The following KIF26B variants were observed in gnomAD, a reference collection of about 807,000 sequenced individuals.
KIF26B encodes the protein kinesin family member 26B, also known as kinesin-like protein KIF26B.
Under a neutral mutation model 151.2 loss-of-function variants are expected in KIF26B, and 63 were observed. The observed-to-expected ratio is 0.42, with a 90% CI of 0.34 to 0.51. The LOEUF (loss-of-function observed/expected upper bound fraction) is 0.51. Among genes scored for constraint, KIF26B ranks in the 20% least tolerant of loss-of-function variants. The probability of loss-of-function intolerance (pLI) is 0.07; values close to 1 mark genes in which losing one functional copy is unlikely to be tolerated. For missense variants in KIF26B, 2,813 were observed against 2,913.6 expected (o/e 0.97, Z 0.79); for synonymous variants, 1,357 against 1,262.1 (o/e 1.08, Z -1.59).
intron 5 of KIF26B, among the ~76,000 whole-genome samples, chr1:245,562,583 G>T (rs964984084): frequency 6.8e-6 from 1 of 147,456 alleles, no homozygotes; most frequent in African/African-American, 2.4e-5. Flanking sequence ...ACGTGGCCAA[G>T]CCCCGCCCCC....
intron 2 of KIF26B, among the ~76,000 whole-genome samples, chr1:245,242,200 G>A (rs1333293157): frequency 6.6e-6 from 1 of 152,226 alleles, no homozygotes; most frequent in Non-Finnish European, 1.5e-5. Context: ...AGACCAGCCT[G>A]GGCTACACAG....
intron 1 of KIF26B, among the ~76,000 whole-genome samples, chr1:245,155,970 G>A (rs1450774739): frequency 6.8e-6 from 1 of 147,608 alleles, no homozygotes; most frequent in Non-Finnish European, 1.5e-5. Context: ...GGCTTCAAAA[G>A]CGTGGGGCGC....
intron 4 of KIF26B, among the ~76,000 whole-genome samples, chr1:245,513,234 C>T (rs1660875951): frequency 6.7e-6 from 1 of 148,974 alleles, no homozygotes; most frequent in Non-Finnish European, 1.5e-5. Flanking sequence ...GCCGCCCCCT[C>T]TAGAATCTCA....
intron 4 of KIF26B, among the ~76,000 whole-genome samples, chr1:245,520,611 C>CCCACCCACCCATCCATCCAT (rs1661079316): frequency 1.3e-5 from 1 of 78,680 alleles, no homozygotes; most frequent in African/African-American, 3.6e-5. Flanking sequence ...CACCCACCCA[C>CCCACCCACCCATCCATCCAT]CCATCCATCC....
chr1:245,540,471 C>G lies in KIF26B; in HGVS notation c.1167-296C>G. 1 of 608,550 alleles carries G rather than the reference C, an allele frequency of 1.6e-6. No homozygotes were observed. The highest frequency in any genetic ancestry group is 3.1e-6 in the Non-Finnish European group (1 of 326,648). 37.7% of individuals were successfully genotyped at this position (608,550 alleles called of 1,614,324 possible). On this transcript the variant is annotated intron_variant, in intron 4 of 14. Transcript: ENST00000407071. The surrounding 1 kb of genome is among the most constrained non-coding windows in gnomAD (Gnocchi z 4.6). ...TGCCCTTATCCCCAAAGATGCCCAGCTTTGTTCCTGCTTAAGCTGAATGTT... is the reference window on the plus strand; with the variant it reads ...TGCCCTTATCCCCAAAGATGCCCAGGTTTGTTCCTGCTTAAGCTGAATGTT...
chr1:245,322,687 T>C (rs548857437), intron 2 of KIF26B, among the ~76,000 whole-genome samples: 1 of 152,270 alleles, frequency 6.6e-6, no homozygotes, highest in African/African-American at 2.4e-5. Context: ...TGGGTAGTGG[T>C]TGTTTATAAT....
At chr1:245,652,138 GT>G (rs1558252850) in intron 10 of KIF26B, among the ~76,000 whole-genome samples, 17 of 137,750 alleles carry the variant, frequency 1.2e-4, no homozygotes, top group South Asian at 2.2e-4. Flanking sequence ...GTGTGTGTGT[GT>G]GTGTGTGAGA....
At chr1:245,536,166 G>A (rs1354781554) in intron 4 of KIF26B, among the ~76,000 whole-genome samples, 4 of 152,168 alleles carry the variant, frequency 2.6e-5, no homozygotes, top group Non-Finnish European at 5.9e-5. Context: ...TCTGTTAAAT[G>A]GGGGTAATAT....
rs1213775000 is a variant in KIF26B, at chr1:245,685,989, G to A, written c.3006G>A (p.Gln1002=). ...EGPELPASKM[Q]RSHSPVPAAA... ...CTGAACTCCCAGCCTCCAAGATGCA[G>A]AGGAGTCACTCACCTGTGCCCGCCG... Residue 1002 remains glutamine, a synonymous_variant, in exon 12 of 15, where the codon CAG becomes CAA. Transcript: ENST00000407071. 1.3e-6 allele frequency: 2 copies of A among 1,595,502 alleles called. No individual in the cohort carries two copies. Among genetic ancestry groups the A allele is most frequent in the South Asian group, 1.1e-5 (1 of 88,716 alleles).
chr1:245,229,255 A>C (rs2103553687), intron 2 of KIF26B, among the ~76,000 whole-genome samples: 1 of 152,130 alleles, frequency 6.6e-6, no homozygotes, highest in East Asian at 1.9e-4. Flanking sequence ...TACAAGCGTG[A>C]GCCACCGCCC....
At position 245,227,993 on chromosome 1, in the gene KIF26B, ACT is replaced by A. The variant is rs1558353238; in HGVS notation, c.465+71313_465+71314del. Among the ~76,000 whole-genome samples, 1 of 152,094 alleles carries A rather than the reference ACT, an allele frequency of 6.6e-6. No individual in the cohort carries two copies. The highest frequency in any genetic ancestry group is 1.5e-5 in the Non-Finnish European group (1 of 68,012). ...CTCCAGCCTGGGCAACAAGAGCGAA[ACT>A]CTGTCTCAAAACAAAACAAACACAC... On this transcript the variant is annotated intron_variant, in intron 2 of 14. Coordinates refer to ENST00000407071, the MANE Select transcript of KIF26B (RefSeq NM_018012.4). The surrounding 1 kb of genome is among the most constrained non-coding windows in gnomAD (Gnocchi z 4.1).
At chr1:245,607,411 G>C (rs115451988) in intron 6 of KIF26B, among the ~76,000 whole-genome samples, 1 of 152,170 alleles carries the variant, frequency 6.6e-6, no homozygotes, top group African/African-American at 2.4e-5. Flanking sequence ...TCGCTGAAAC[G>C]TACCACGGAT....
chr1:245,265,965 A>G (rs369375174), intron 2 of KIF26B, among the ~76,000 whole-genome samples: 2 of 152,328 alleles, frequency 1.3e-5, no homozygotes, highest in African/African-American at 4.8e-5. Flanking sequence ...AATGATTGCT[A>G]AATTTGACTG....
chr1:245,496,049 C>T (rs1039838000), intron 4 of KIF26B, among the ~76,000 whole-genome samples: 3 of 152,096 alleles, frequency 2.0e-5, no homozygotes, highest in Non-Finnish European at 4.4e-5. Flanking sequence ...AGTAGACCAA[C>T]ACTAAAAGAA....
chr1:245,683,177 G>A (rs2044462278), intron 10 of KIF26B, among the ~76,000 whole-genome samples: 1 of 152,182 alleles, frequency 6.6e-6, no homozygotes, highest in South Asian at 2.1e-4. Flanking sequence ...CATAGTGTCT[G>A]CTGAGCTGGA....
At chr1:245,298,816 A>AG (rs1452028493) in intron 2 of KIF26B, among the ~76,000 whole-genome samples, 2 of 152,212 alleles carry the variant, frequency 1.3e-5, no homozygotes, top group African/African-American at 2.4e-5. Context: ...AGAAAACATC[A>AG]GGGATGAACA....
rs199549504 is a variant in KIF26B, at chr1:245,556,402, TTTC to T, written c.1350+15461_1350+15463del. Among the ~76,000 whole-genome samples the T allele has an allele frequency of 7.8e-3, 1,175 of 149,694 alleles. 22 individuals carry two copies. Among genetic ancestry groups the T allele is most frequent in the African/African-American group, 0.028 (1,125 of 40,546 alleles). On this transcript the variant is annotated intron_variant, in intron 5 of 14. Transcript: ENST00000407071. Reference sequence around the variant, plus strand: ...CCTTCTTCTTCTTCCTTCTTTCTTCTTTCTTCTTCTTTAAGAAAGGGTCTGCTT... The same window carrying T: ...CCTTCTTCTTCTTCCTTCTTTCTTCTTTCTTCTTTAAGAAAGGGTCTGCTT...
intron 10 of KIF26B, among the ~76,000 whole-genome samples, chr1:245,646,797 G>A (rs1020729548): frequency 3.9e-5 from 6 of 152,134 alleles, no homozygotes; most frequent in Admixed American, 2.6e-4. Context: ...ACCCAATCTC[G>A]GGAGTTCAGA....
chr1:245,364,686 C>T (rs1672902281), intron 2 of KIF26B, among the ~76,000 whole-genome samples: 1 of 152,112 alleles, frequency 6.6e-6, no homozygotes, highest in Non-Finnish European at 1.5e-5. Flanking sequence ...TCCCAAAGTG[C>T]TGGGATTACA....
Sources: allele counts gnomAD v4.1 joint callset (sites outside exome capture counted in the v4.1 genomes callset), GRCh38; gene constraint gnomAD v4.1.1; non-coding constraint Gnocchi (gnomAD v3.1); transcripts MANE v1.5; gene names NCBI Gene and HGNC (gene_info 2026-07-23, HGNC 2026-07-21).